CHRM2: variants seen among roughly 807,000 people sequenced by gnomAD.
CHRM2 encodes muscarinic acetylcholine receptor M2.
In CHRM2, 8 loss-of-function variants were observed where a neutral mutation model predicts 25.0. The ratio of observed to expected loss-of-function variants is 0.32; its 90% confidence interval spans 0.19 to 0.58. CHRM2 has a LOEUF of 0.58. CHRM2 is among the 20% of genes least tolerant of loss of function. The pLI is 0.88. For synonymous variants in CHRM2, 202 were observed against 205.7 expected (o/e 0.98, Z 0.15); for missense variants, 440 against 567.1 (o/e 0.78, Z 2.28).
chr7:136,908,731 A>G (rs1460235639), intron 2 of CHRM2, among the ~76,000 whole-genome samples: 6 of 151,962 alleles, frequency 3.9e-5, no homozygotes, highest in Non-Finnish European at 8.8e-5. Flanking sequence ...GAATTAATTT[A>G]TCTATAAATT....
chr7:136,938,683 G>T, intron 2 of CHRM2: 1 of 778,872 alleles, frequency 1.3e-6, no homozygotes, highest in Non-Finnish European at 2.3e-6. Context: ...TGAAGGCCCA[G>T]GGGCCAGAGG....
chr7:136,959,652 C>T (rs563481604), intron 2 of CHRM2, among the ~76,000 whole-genome samples: 107 of 152,294 alleles, frequency 7.0e-4, no homozygotes, highest in Non-Finnish European at 1.2e-3. Context: ...GTGGCTCACA[C>T]CTGTAATCCC....
rs182626216 is a variant in CHRM2 at position 137,017,375 on chromosome 7, A to G, written c.*1109A>G. On this transcript the variant is annotated 3_prime_UTR_variant, in exon 4 of 4. Coordinates refer to ENST00000680005, the MANE Select transcript of CHRM2 (RefSeq NM_001006630.2). ...AAAATGAACTCCTGACTTTCTCAGC[A>G]GAAAGGAATGCTGTTTTATTTATTT... 2.6e-4 allele frequency: 40 copies of G among 152,068 alleles called. No homozygotes were observed. The East Asian group carries it at 5.1e-3, about 19-fold the overall frequency. The allele number at this position is 152,068 out of a possible 1,614,324, so 9.4% of individuals were successfully genotyped here. A position where few individuals can be genotyped will look rare whatever the true frequency, so the allele number is the denominator to read the frequency against.
At chr7:136,913,451 T>C (rs1001434906) in intron 2 of CHRM2, among the ~76,000 whole-genome samples, 2 of 151,906 alleles carry the variant, frequency 1.3e-5, no homozygotes, top group African/African-American at 4.8e-5. Flanking sequence ...ATTCCTCTAG[T>C]TTTGAGGAGA....
rs892216550 is a variant in CHRM2, at chr7:136,874,891, T to A, written c.-125+5473T>A. 8.6e-5 allele frequency among the ~76,000 whole-genome samples: 13 copies of A among 151,934 alleles called. No homozygotes were observed. In the East Asian group the frequency reaches 2.3e-3, roughly 27 times the overall value. ...GTTTAACATTGTTATGAAAATGTTCTTATGGAAGAAAAAGAGATGCCACCG... is the reference window on the plus strand; with the variant it reads ...GTTTAACATTGTTATGAAAATGTTCATATGGAAGAAAAAGAGATGCCACCG... On this transcript the variant is annotated intron_variant, in intron 2 of 3. Transcript: ENST00000680005.
chr7:136,961,565 T>C (rs936949303), intron 2 of CHRM2, among the ~76,000 whole-genome samples: 2 of 152,218 alleles, frequency 1.3e-5, no homozygotes, highest in Non-Finnish European at 2.9e-5. Context: ...ACAAAATTTC[T>C]AATTTTTTTT....
At chr7:136,870,232 G>T (rs1795766285) in intron 2 of CHRM2, 2 of 152,444 alleles carry the variant, frequency 1.3e-5, no homozygotes, top group Non-Finnish European at 2.9e-5. Context: ...CGTAGACTGG[G>T]GACCGCTGCA....
Position 136,869,227 on chromosome 7 carries a change from G to C in CHRM2, c.-282-34G>C, listed in dbSNP as rs555161488. The C allele has an allele frequency of 5.9e-5, 9 of 152,188 alleles. No homozygotes were observed. Among genetic ancestry groups the C allele is most frequent in the Non-Finnish European group, 1.0e-4 (7 of 68,082 alleles). 9.4% of individuals were successfully genotyped at this position (152,188 alleles called of 1,614,324 possible). ...TCCCGCCCCACCCCTACAGTGTCTC[G>C]GCATCAACTAATCTTTTCCTTTTCT... On this transcript the variant is annotated intron_variant, in intron 1 of 3. Transcript: ENST00000680005. This position sits in a 1 kb window ranked among gnomAD's most constrained non-coding sequence, Gnocchi z 4.9.
In CHRM2 at chr7:136,887,355, G is replaced by T. The variant is rs556153909; in HGVS notation, c.-125+17937G>T. ...TTTTCACAAAAAAAAAATCCCACAG[G>T]ATAGTAACAACACATTGAGGAAATT... is the stretch of plus-strand genomic sequence containing the variant. On this transcript the variant is annotated intron_variant, in intron 2 of 3. Coordinates refer to ENST00000680005, the MANE Select transcript of CHRM2 (RefSeq NM_001006630.2). Among the ~76,000 whole-genome samples, 15 of 152,102 alleles carry T rather than the reference G, an allele frequency of 9.9e-5. No individual in the cohort carries two copies. The South Asian group carries it at 3.1e-3, about 32-fold the overall frequency.
At chr7:136,879,320 C>T (rs1374317555) in intron 2 of CHRM2, among the ~76,000 whole-genome samples, 1 of 151,946 alleles carries the variant, frequency 6.6e-6, no homozygotes, top group Non-Finnish European at 1.5e-5. Context: ...TTTCCTTCCT[C>T]TGCAAAACAA....
intron 3 of CHRM2, among the ~76,000 whole-genome samples, chr7:137,000,547 AGAAGGAAGGAAGGAAGGAAGGAAG>A (rs780148176): frequency 2.1e-5 from 2 of 95,170 alleles, no homozygotes; most frequent in Non-Finnish European, 4.6e-5. Context: ...AAAGAAAGAA[AGAAGGAAGGAAGGAAGGAAGGAAG>A]GAAGGAAGGA....
chr7:137,017,477 A>G lies in CHRM2; in HGVS notation c.*1211A>G, dbSNP rs1172053777. 1 of 151,998 alleles carries G rather than the reference A, an allele frequency of 6.6e-6. No individual in the cohort carries two copies. The highest frequency in any genetic ancestry group is 2.4e-5 in the African/African-American group (1 of 41,438). 9.4% of individuals were successfully genotyped at this position (151,998 alleles called of 1,614,324 possible). On this transcript the variant is annotated 3_prime_UTR_variant, in exon 4 of 4. Transcript: ENST00000680005. ...CAGTCCCTAGAGAATAGAACCTTCT[A>G]TCCAATGCCTGCTAAAGGATGATAT...
chr7:136,947,877 T>C (rs185830237), intron 2 of CHRM2, among the ~76,000 whole-genome samples: 40 of 152,260 alleles, frequency 2.6e-4, no homozygotes, highest in African/African-American at 9.6e-4. Flanking sequence ...CTTTCTGTCT[T>C]AATAGCCTCA....
intron 3 of CHRM2, among the ~76,000 whole-genome samples, chr7:137,005,753 T>C (rs1329192547): frequency 1.3e-5 from 2 of 152,116 alleles, no homozygotes; most frequent in Non-Finnish European, 2.9e-5. Flanking sequence ...TTTTCTATCA[T>C]AGTCCTAAAA....
At chr7:136,985,424 C>T (rs1026239300) in intron 2 of CHRM2, among the ~76,000 whole-genome samples, 2 of 144,714 alleles carry the variant, frequency 1.4e-5, no homozygotes, top group African/African-American at 2.5e-5. Flanking sequence ...GTAGGAGAAT[C>T]GCTTGAACCC....
At chr7:136,884,217 G>A (rs1311017040) in intron 2 of CHRM2, among the ~76,000 whole-genome samples, 3 of 152,144 alleles carry the variant, frequency 2.0e-5, no homozygotes, top group South Asian at 2.1e-4. Flanking sequence ...TTTATAAAAC[G>A]ACATCAAAAT....
At chr7:137,009,473 A>G (rs923118234) in intron 3 of CHRM2, among the ~76,000 whole-genome samples, 12 of 152,044 alleles carry the variant, frequency 7.9e-5, no homozygotes, top group Non-Finnish European at 1.2e-4. Flanking sequence ...CTTATTGTGA[A>G]TGTCTCCTGC....
intron 2 of CHRM2, among the ~76,000 whole-genome samples, chr7:136,884,943 TTC>T (rs1466089182): frequency 6.6e-6 from 1 of 152,196 alleles, no homozygotes; most frequent in Non-Finnish European, 1.5e-5. Flanking sequence ...AAATCAGTTT[TTC>T]TGTTTGTTTG....
intron 2 of CHRM2, among the ~76,000 whole-genome samples, chr7:136,984,848 G>T (rs763349611): frequency 5.9e-5 from 9 of 151,754 alleles, no homozygotes; most frequent in African/African-American, 2.2e-4. Flanking sequence ...TGCCTTCTGC[G>T]TTGGTCTCGC....
Sources: gnomAD v4.1 joint callset for allele counts (sites outside exome capture counted in the v4.1 genomes callset) on GRCh38, gnomAD v4.1.1 for gene constraint, Gnocchi (gnomAD v3.1) non-coding constraint, MANE v1.5 for transcripts, NCBI Gene and HGNC (gene_info 2026-07-23, HGNC 2026-07-21) for gene names.